FABP2: variants seen among roughly 807,000 people sequenced by gnomAD.
FABP2 encodes the protein fatty acid binding protein 2, also known as fatty acid-binding protein, intestinal.
A neutral mutation model predicts 16.1 loss-of-function variants in FABP2; 11 were observed. The ratio of observed to expected loss-of-function variants is 0.68; its 90% CI spans 0.43 to 1.13. The LOEUF is 1.13. FABP2 is among the 50% of genes most tolerant of loss of function. The pLI is 0.00. For missense variants in FABP2, 146 were observed against 155.1 expected (o/e 0.94, Z 0.31); for synonymous variants, 45 against 50.9 (o/e 0.88, Z 0.49).
chr4:119,319,402 A>T, intron 3 of FABP2, 134 bp downstream of exon 3: 1 of 522,602 alleles, frequency 1.9e-6, no homozygotes, highest in Non-Finnish European at 3.3e-6. Context: ...TAGCTATACA[A>T]TATTTTTAAA....
chr4:119,321,780 A>G (rs1755673788), intron 1 of FABP2, among the ~76,000 whole-genome samples: 2 of 152,144 alleles, frequency 1.3e-5, no homozygotes, highest in African/African-American at 4.8e-5. Context: ...AGAGGGAAGG[A>G]AACATTTCTG....
At chr4:119,319,208 ATATATAT>A (rs1164471198) in intron 3 of FABP2, 117 bp from the exon 4 acceptor site, 1 of 405,362 alleles carries the variant, frequency 2.5e-6, no homozygotes, top group African/African-American at 2.1e-5. Flanking sequence ...TTATATATTC[ATATATAT>A]TATATGAGTA....
Position 119,317,270 on chromosome 4 carries a change from A to G in FABP2, c.*1771T>C, listed in dbSNP as rs1755594475. On this transcript the variant is annotated 3_prime_UTR_variant, in exon 4 of 4. Coordinates refer to ENST00000274024, the MANE Select transcript of FABP2 (RefSeq NM_000134.4). ...GAACATAGATTTAAGGTATTTTTAT[A>G]TAAATTTAAGGAGTACAAGTATAGT... 6.6e-6 allele frequency: 1 copy of G among 152,150 alleles called. No individual in the cohort carries two copies. The highest frequency in any genetic ancestry group is 2.4e-5 in the African/African-American group (1 of 41,448). 9.4% of individuals were successfully genotyped at this position (152,150 alleles called of 1,614,324 possible).
chr4:119,318,499 G>C lies in FABP2; in HGVS notation c.*542C>G. 6.6e-6 allele frequency: 1 copy of C among 152,272 alleles called. No homozygotes were observed. The highest frequency in any genetic ancestry group is 2.0e-4 in the South Asian group (1 of 4,926). The allele number at this position is 152,272 out of a possible 1,614,324, so 9.4% of individuals were successfully genotyped here. ...GGATTGCTTGAGGCCAGGGGTTCAA[G>C]ACCAGCCTGGGCAATATAGCAAGAC... On this transcript the variant is annotated 3_prime_UTR_variant, in exon 4 of 4. Coordinates refer to ENST00000274024, the MANE Select transcript of FABP2 (RefSeq NM_000134.4).
At chr4:119,320,916 T>C (rs552696782) in intron 1 of FABP2, 74 bp from the exon 2 acceptor site, 4 of 1,308,148 alleles carry the variant, frequency 3.1e-6, no homozygotes, top group East Asian at 5.4e-5. Context: ...AGTTATGTTT[T>C]GTTTGTTTAT....
At chr4:119,321,248 T>C (rs1405944854) in intron 1 of FABP2, among the ~76,000 whole-genome samples, 2 of 152,092 alleles carry the variant, frequency 1.3e-5, no homozygotes, top group African/African-American at 4.8e-5. Flanking sequence ...TAAATGCCCC[T>C]TTGTTTTTCT....
At position 119,320,789 on chromosome 4, in the gene FABP2, T is replaced by C; in HGVS notation, c.121A>G (p.Ile41Val). Residue 41 changes from isoleucine (I) to valine (V), a missense_variant, in exon 2 of 4, where the codon ATT becomes GTT. By Grantham distance (29) the Ile-to-Val change is conservative (BLOSUM62 3). Coordinates refer to ENST00000274024, the MANE Select transcript of FABP2 (RefSeq NM_000134.4). ...GTGAATTTATTTCCTTCTTGTGTAA[T>C]TGTCAGCTTCAAATTGTCATGAGCT... is the stretch of plus-strand genomic sequence containing the variant. ...LAAHDNLKLT[I>V]TQEGNKFTVK... is the part of the protein sequence containing the mutation. 20 of 1,604,586 alleles carry C rather than the reference T, an allele frequency of 1.2e-5. No homozygotes were observed. Among genetic ancestry groups the C allele is most frequent in the East Asian group, 4.5e-5 (2 of 44,254 alleles).
In FABP2 at chr4:119,318,847, T is replaced by TA; in HGVS notation, c.*193dup. On this transcript the variant is annotated 3_prime_UTR_variant, in exon 4 of 4. Coordinates refer to ENST00000274024, the MANE Select transcript of FABP2 (RefSeq NM_000134.4). Reference sequence around the variant, plus strand: ...AAATTCTTTTAGTAAATATATATCTTAGAGAATATAAAACAAATTAAATCC... The same window carrying TA: ...AAATTCTTTTAGTAAATATATATCTTAAGAGAATATAAAACAAATTAAATCC... 2.3e-6 allele frequency: 1 copy of TA among 438,804 alleles called. No homozygotes were observed. The highest frequency in any genetic ancestry group is 4.1e-6 in the Non-Finnish European group (1 of 243,680). 27.2% of individuals were successfully genotyped at this position (438,804 alleles called of 1,614,324 possible).
intron 2 of FABP2, among the ~76,000 whole-genome samples, chr4:119,320,221 G>A (rs1034859338): frequency 3.3e-5 from 5 of 151,960 alleles, no homozygotes; most frequent in Non-Finnish European, 7.4e-5. Context: ...ACATGAAAAG[G>A]TACACTCCCA....
At position 119,320,700 on chromosome 4, in the gene FABP2, A is replaced by G. The variant is rs761334723; in HGVS notation, c.210T>C (p.Asn70=). The change falls in exon 2 of 4, where the codon AAT becomes AAC. Residue 70 remains asparagine, a synonymous_variant. Coordinates refer to ENST00000274024, the MANE Select transcript of FABP2 (RefSeq NM_000134.4). The part of the protein sequence containing the change: ...EVVFELGVTF[N]YNLADGTELR... ...GTTCAGTTCCGTCTGCTAGATTGTAATTAAAGGTGACACCAAGTTCAAAAA... is the reference window on the plus strand; with the variant it reads ...GTTCAGTTCCGTCTGCTAGATTGTAGTTAAAGGTGACACCAAGTTCAAAAA... The G allele has an allele frequency of 1.4e-5, 23 of 1,598,868 alleles. No homozygotes were observed. Among genetic ancestry groups the G allele is most frequent in the Non-Finnish European group, 1.8e-5 (21 of 1,175,420 alleles).
At chr4:119,320,551 C>A in intron 2 of FABP2, 119 bp downstream of exon 2, 1 of 753,964 alleles carries the variant, frequency 1.3e-6, no homozygotes, top group Admixed American at 3.4e-5. Flanking sequence ...TCATTGGCTT[C>A]TTCAGTTAGT....
Position 119,318,915 on chromosome 4 carries a change from T to C in FABP2, c.*126A>G. On this transcript the variant is annotated 3_prime_UTR_variant, in exon 4 of 4. Transcript: ENST00000274024. ...TTTTGCTTTGGCATGAATGGAAATA[T>C]ACCAATGTTTATAAAAGGACCAATC... The C allele has an allele frequency of 7.4e-6, 5 of 677,338 alleles. No homozygotes were observed. Among genetic ancestry groups the C allele is most frequent in the Admixed American group, 3.1e-5 (1 of 32,408 alleles). The allele number at this position is 677,338 out of a possible 1,614,324, so 42.0% of individuals were successfully genotyped here. A position where few individuals can be genotyped will look rare whatever the true frequency, so the allele number is the denominator to read the frequency against.
At position 119,318,917 on chromosome 4, in the gene FABP2, C is replaced by T; in HGVS notation, c.*124G>A. 1 of 681,506 alleles carries T rather than the reference C, an allele frequency of 1.5e-6. No homozygotes were observed. The highest frequency in any genetic ancestry group is 2.5e-6 in the Non-Finnish European group (1 of 404,850). 42.2% of individuals were successfully genotyped at this position (681,506 alleles called of 1,614,324 possible). The stretch of plus-strand genomic sequence containing the variant: ...TTGCTTTGGCATGAATGGAAATATA[C>T]CAATGTTTATAAAAGGACCAATCAA... On this transcript the variant is annotated 3_prime_UTR_variant, in exon 4 of 4. Coordinates refer to ENST00000274024, the MANE Select transcript of FABP2 (RefSeq NM_000134.4).
Position 119,319,085 on chromosome 4 carries a change from C to T in FABP2, c.355G>A (p.Val119Ile), listed in dbSNP as rs1051898519. The T allele has an allele frequency of 3.1e-6, 5 of 1,593,546 alleles. No homozygotes were observed. Among genetic ancestry groups the T allele is most frequent in the Non-Finnish European group, 4.3e-6 (5 of 1,169,652 alleles). ...IIGDELVQTYVYEGVEAKRIF... is the reference protein window; with the variant it reads ...IIGDELVQTYIYEGVEAKRIF... ...CTTTTGGCTTCTACTCCTTCATATA[C>T]ATAAGTCTGAAAGGTGTTAACAAAC... is the stretch of plus-strand genomic sequence containing the variant. The change falls in exon 4 of 4, where the codon GTA becomes ATA. Residue 119 changes from valine (V) to isoleucine (I), a missense_variant. By Grantham distance (29) the Val-to-Ile change is conservative (BLOSUM62 3). Coordinates refer to ENST00000274024, the MANE Select transcript of FABP2 (RefSeq NM_000134.4).
Position 119,322,029 on chromosome 4 carries a change from T to C in FABP2, c.67+7A>G. On this transcript the variant is annotated splice_region_variant and intron_variant, in intron 1 of 3. Transcript: ENST00000274024. Reference sequence around the variant, plus strand: ...AAGAATGAGCCACAAAGAAATAAAGTCTTTACCCATTTTTTCCATGAACTT... The same window carrying C: ...AAGAATGAGCCACAAAGAAATAAAGCCTTTACCCATTTTTTCCATGAACTT... 2 of 1,608,970 alleles carry C rather than the reference T, an allele frequency of 1.2e-6. No homozygotes were observed. The highest frequency in any genetic ancestry group is 1.1e-5 in the South Asian group (1 of 90,694).
At chr4:119,319,879 G>C (rs1302038954) in intron 2 of FABP2, among the ~76,000 whole-genome samples, 1 of 151,970 alleles carries the variant, frequency 6.6e-6, no homozygotes, top group Non-Finnish European at 1.5e-5. Context: ...TACAGAGTAT[G>C]TGTTGATAAC....
At chr4:119,319,719 G>T in intron 2 of FABP2, 76 bp from the exon 3 acceptor site, 1 of 568,864 alleles carries the variant, frequency 1.8e-6, no homozygotes. Context: ...GCACTGTTCT[G>T]AGTTCTGTAG....
intron 3 of FABP2, 87 bp from the exon 4 acceptor site, chr4:119,319,178 G>A: frequency 3.3e-6 from 2 of 608,590 alleles, no homozygotes; most frequent in Non-Finnish European, 5.2e-6. Flanking sequence ...TATACTATAT[G>A]AGTTTATACT....
intron 3 of FABP2, 123 bp from the exon 4 acceptor site, chr4:119,319,214 A>G (rs963565390): frequency 5.0e-6 from 2 of 398,682 alleles, no homozygotes; most frequent in Non-Finnish European, 8.5e-6. Flanking sequence ...ATTCATATAT[A>G]TTATATGAGT....
Sources: allele counts gnomAD v4.1 joint callset (sites outside exome capture counted in the v4.1 genomes callset), GRCh38; gene constraint gnomAD v4.1.1; transcripts MANE v1.5; gene names NCBI Gene and HGNC (gene_info 2026-07-23, HGNC 2026-07-21).